The following ZNF160 variants were observed in gnomAD, a reference collection of about 807,000 sequenced individuals.
The protein encoded by ZNF160 is KRAB zinc finger protein KR18.
In ZNF160, 9 loss-of-function variants were observed where a neutral mutation model predicts 13.1. The ratio of observed to expected loss-of-function variants is 0.69; its 90% CI spans 0.41 to 1.20. The LOEUF (loss-of-function observed/expected upper bound fraction) is 1.20, where lower values mean the gene tolerates loss of function less well. ZNF160 is among the 50% of genes most tolerant of loss of function. The pLI is 0.01. For synonymous variants in ZNF160, 293 were observed against 333.2 expected, an observed-to-expected ratio of 0.88 and a Z score of 1.31; for missense variants, 838 against 988.0, an observed-to-expected ratio of 0.85 and a Z score of 2.04.
chr19:53,103,039 G>C (rs1475536905), intron 1 of ZNF160, among the ~76,000 whole-genome samples: 1 of 152,182 alleles, frequency 6.6e-6, no homozygotes, highest in Non-Finnish European at 1.5e-5. Flanking sequence ...CGAGAGCGAG[G>C]CTGGGAGGCG....
chr19:53,089,524 G>A (rs1324499216), intron 2 of ZNF160, among the ~76,000 whole-genome samples: 1 of 151,958 alleles, frequency 6.6e-6, no homozygotes, highest in African/African-American at 2.4e-5. Context: ...AAATGAATGA[G>A]TCAAGTCACT....
At chr19:53,095,182 C>T (rs1376526871) in intron 1 of ZNF160, among the ~76,000 whole-genome samples, 27 of 140,632 alleles carry the variant, frequency 1.9e-4, no homozygotes, top group Admixed American at 1.4e-3. Context: ...TCCCCACTGC[C>T]CAGGCCCCGC....
intron 3 of ZNF160, among the ~76,000 whole-genome samples, chr19:53,084,150 C>T (rs147199474): frequency 1.3e-5 from 2 of 152,238 alleles, no homozygotes; most frequent in Non-Finnish European, 2.9e-5. Context: ...CTCTCCCACC[C>T]GGAGAGTTTC....
At chr19:53,099,559 G>T (rs1462847748) in intron 1 of ZNF160, among the ~76,000 whole-genome samples, 3 of 152,190 alleles carry the variant, frequency 2.0e-5, no homozygotes, top group African/African-American at 7.2e-5. Context: ...TAACTCTAAT[G>T]CAGAGAAAGG....
In ZNF160 at chr19:53,074,175, G is replaced by C; in HGVS notation, c.236C>G (p.Pro79Arg). Residue 79 changes from proline to arginine, a missense_variant, in exon 5 of 6, where the codon CCA becomes CGA. Coordinates refer to ENST00000683776, the MANE Select transcript of ZNF160 (RefSeq NM_001322131.2). ...VKSCVKIARK[P>R]RTPECVKGVV... ...GCCTTTGACACATTCCGGCGTTCTT[G>C]GTTTTCTTGCTATTTTCACACAGCT... 1 of 1,613,520 alleles carries C rather than the reference G, an allele frequency of 6.2e-7. No homozygotes were observed. Among genetic ancestry groups the C allele is most frequent in the Non-Finnish European group, 8.5e-7 (1 of 1,179,882 alleles).
At chr19:53,078,813 A>AC in intron 3 of ZNF160, among the ~76,000 whole-genome samples, 1 of 150,240 alleles carries the variant, frequency 6.7e-6, no homozygotes. Context: ...AAAAAAAAAA[A>AC]TCCTAGAACA....
At chr19:53,074,467 A>C (rs1568481556) in intron 4 of ZNF160, among the ~76,000 whole-genome samples, 199 bp from the exon 5 acceptor site, 1 of 151,968 alleles carries the variant, frequency 6.6e-6, no homozygotes, top group Admixed American at 6.6e-5. Flanking sequence ...GGAGATGGAG[A>C]TCATGATGGC....
Position 53,069,197 on chromosome 19 carries a change from A to G in ZNF160, c.1337T>C (p.Val446Ala). The G allele has an allele frequency of 1.2e-6, 2 of 1,613,838 alleles. No homozygotes were observed. Among genetic ancestry groups the G allele is most frequent in the Non-Finnish European group, 1.7e-6 (2 of 1,179,868 alleles). Residue 446 changes from valine to alanine, a missense_variant, in exon 6 of 6, where the codon GTT becomes GCT. By Grantham distance (64) the Val-to-Ala change is moderately conservative. This residue lies in a region of ZNF160 where 400 missense variants were observed against 538.9 expected (regional missense o/e 0.74). Transcript: ENST00000683776. The surrounding 1 kb of genome is among the most constrained non-coding windows in gnomAD (Gnocchi z 4.4). ...YNSYLGRHRRVHTGEKPYKCN... is the reference protein window; with the variant it reads ...YNSYLGRHRRAHTGEKPYKCN... ...CTTGTAAGGTTTCTCACCAGTATGA[A>G]CTCTCCGATGCCTTCCGAGGTATGA...
intron 1 of ZNF160, among the ~76,000 whole-genome samples, chr19:53,097,725 C>A (rs546480310): frequency 2.6e-5 from 4 of 152,192 alleles, no homozygotes; most frequent in Admixed American, 2.6e-4. Flanking sequence ...CAACTGAAAG[C>A]TTATTGATCT....
rs1016495158 is a variant in ZNF160 at position 53,069,575 on chromosome 19, T to C, written c.959A>G (p.Lys320Arg). 15 of 1,614,184 alleles carry C rather than the reference T, an allele frequency of 9.3e-6. No homozygotes were observed. Among genetic ancestry groups the C allele is most frequent in the Non-Finnish European group, 1.2e-5 (14 of 1,180,040 alleles). The change falls in exon 6 of 6, where the codon AAG (lysine) becomes AGG (arginine). Residue 320 changes from lysine (K) to arginine (R), a missense_variant. Physicochemically the swap from Lys to Arg is conservative, Grantham distance 26 (BLOSUM62 2). Coordinates refer to ENST00000683776, the MANE Select transcript of ZNF160 (RefSeq NM_001322131.2). This position sits in a 1 kb window ranked among gnomAD's most constrained non-coding sequence, Gnocchi z 4.4. ...AAGGTATGAATTGTGCCTGAAGACC[T>C]TGCCACACTCATGACATTTGTAAGG... ...EKPYKCHECG[K>R]VFRHNSYLAT...
rs775762535 is a variant in ZNF160, at chr19:53,068,830, A to C, written c.1704T>G (p.Asn568Lys). 6.2e-7 allele frequency: 1 copy of C among 1,614,086 alleles called. No individual in the cohort carries two copies. The highest frequency in any genetic ancestry group is 8.5e-7 in the Non-Finnish European group (1 of 1,179,964). Residue 568 changes from asparagine to lysine, a missense_variant, in exon 6 of 6, where the codon AAT becomes AAG. By Grantham distance (94) the Asn-to-Lys change is moderately conservative. Coordinates refer to ENST00000683776, the MANE Select transcript of ZNF160 (RefSeq NM_001322131.2). Reference sequence around the variant, plus strand: ...TTTGAGCGAAGACTTTACCACATTCATTACACTTGTAAGGTTTCTCTCCAG... The same window carrying C: ...TTTGAGCGAAGACTTTACCACATTCCTTACACTTGTAAGGTTTCTCTCCAG... The part of the protein sequence containing the change: ...IHSGEKPYKC[N>K]ECGKVFAQTS...
In ZNF160 at chr19:53,067,207, A is replaced by G. The variant is rs1375125750; in HGVS notation, c.*870T>C. Reference sequence around the variant, plus strand: ...ATTTCTACCACACAATCAGTGTCTAATTACCTATTACTCTCCTCCCACAAA... The same window carrying G: ...ATTTCTACCACACAATCAGTGTCTAGTTACCTATTACTCTCCTCCCACAAA... On this transcript the variant is annotated 3_prime_UTR_variant, in exon 6 of 6. Transcript: ENST00000683776. 6.6e-6 allele frequency: 1 copy of G among 152,162 alleles called. No homozygotes were observed. The highest frequency in any genetic ancestry group is 2.4e-5 in the African/African-American group (1 of 41,458). 9.4% of individuals were successfully genotyped at this position (152,162 alleles called of 1,614,324 possible).
chr19:53,088,490 C>G (rs1449058126), intron 2 of ZNF160, among the ~76,000 whole-genome samples: 1 of 149,908 alleles, frequency 6.7e-6, no homozygotes, highest in Non-Finnish European at 1.5e-5. Context: ...CTGGCCAACA[C>G]AGCAAGATCC....
At position 53,078,415 on chromosome 19, in the gene ZNF160, AAAAT is replaced by A. The variant is rs556341544; in HGVS notation, c.16-3236_16-3233del. ...ACAAAGTGAGACCCCATCTCTAAAAAAAATAAATAAAAGGAGAAAATGAAATAGA... is the reference window on the plus strand; with the variant it reads ...ACAAAGTGAGACCCCATCTCTAAAAAAAATAAAAGGAGAAAATGAAATAGA... On this transcript the variant is annotated intron_variant, in intron 3 of 5. Coordinates refer to ENST00000683776, the MANE Select transcript of ZNF160 (RefSeq NM_001322131.2). 1.9e-3 allele frequency among the ~76,000 whole-genome samples: 291 copies of A among 152,090 alleles called. 1 individual carries two copies. Among genetic ancestry groups the A allele is most frequent in the African/African-American group, 6.7e-3 (277 of 41,466 alleles).
Position 53,066,906 on chromosome 19 carries a change from C to G in ZNF160, c.*1171G>C, listed in dbSNP as rs2083987183. 1 of 152,212 alleles carries G rather than the reference C, an allele frequency of 6.6e-6. No individual in the cohort carries two copies. Among genetic ancestry groups the G allele is most frequent in the Non-Finnish European group, 1.5e-5 (1 of 68,088 alleles). 9.4% of individuals were successfully genotyped at this position (152,212 alleles called of 1,614,324 possible). A position where few individuals can be genotyped will look rare whatever the true frequency, so the allele number is the denominator to read the frequency against. On this transcript the variant is annotated 3_prime_UTR_variant, in exon 6 of 6. Transcript: ENST00000683776. ...CAAGCACTCTCCTGCCTCAGCCTCC[C>G]AAGTAGCTGGGATTACAGGCACCTG... is the stretch of plus-strand genomic sequence containing the variant.
At chr19:53,080,162 G>A (rs183337667) in intron 3 of ZNF160, among the ~76,000 whole-genome samples, 7 of 150,316 alleles carry the variant, frequency 4.7e-5, no homozygotes, top group African/African-American at 1.7e-4. Context: ...GCTGGAGTGC[G>A]ATCTTGGCTC....
intron 1 of ZNF160, among the ~76,000 whole-genome samples, chr19:53,099,033 C>T (rs186366170): frequency 4.4e-4 from 65 of 147,352 alleles, no homozygotes; most frequent in Middle Eastern, 3.4e-3. Context: ...CAGCCCGACC[C>T]CAGCCCCAGC....
At chr19:53,074,718 C>G (rs972208616) in intron 4 of ZNF160, among the ~76,000 whole-genome samples, 21 of 151,160 alleles carry the variant, frequency 1.4e-4, no homozygotes, top group Non-Finnish European at 1.9e-4. Context: ...TCTGAATACC[C>G]AGGAAACATG....
chr19:53,070,657 G>A (rs1467815561), intron 5 of ZNF160, among the ~76,000 whole-genome samples: 1 of 152,092 alleles, frequency 6.6e-6, no homozygotes, highest in South Asian at 2.1e-4. Flanking sequence ...CTCATGAGCC[G>A]CCTGCCTCGG....
Sources: gnomAD v4.1 joint callset for allele counts (sites outside exome capture counted in the v4.1 genomes callset) on GRCh38, gnomAD v4.1.1 for gene constraint, gnomAD v4.1.1 regional missense constraint, Gnocchi (gnomAD v3.1) non-coding constraint, MANE v1.5 for transcripts, NCBI Gene and HGNC (gene_info 2026-07-23, HGNC 2026-07-21) for gene names.